The following SOX5 variants were observed in gnomAD, a reference collection of about 807,000 sequenced individuals.
SOX5 encodes transcription factor SOX-5.
In SOX5, 9 loss-of-function variants were observed where a neutral mutation model predicts 92.0. That is an observed-to-expected ratio of 0.10 (90% confidence interval 0.06 to 0.17). SOX5 has a LOEUF of 0.17. Among genes scored for constraint, SOX5 ranks in the 10% least tolerant of loss-of-function variants. The pLI, the probability that SOX5 is intolerant of heterozygous loss-of-function variation, is 1.00. For synonymous variants in SOX5, 344 were observed against 336.3 expected (o/e 1.02, Z -0.25); for missense variants, 642 against 944.5 (o/e 0.68, Z 4.20).
intron 2 of SOX5, among the ~76,000 whole-genome samples, chr12:23,885,554 G>A (rs1449719897): frequency 6.6e-6 from 1 of 152,108 alleles, no homozygotes; most frequent in African/African-American, 2.4e-5. Flanking sequence ...AAGCAGCCTT[G>A]ACTAAATAAG....
rs143135502 is a variant in SOX5 at position 23,902,058 on chromosome 12, A to C, written c.39-6034T>G. Among the ~76,000 whole-genome samples the C allele has an allele frequency of 8.9e-4, 135 of 152,312 alleles. 1 individual carries two copies. In the East Asian group the frequency reaches 0.022, roughly 25 times the overall value. ...ATCTTTATTTAACATGTGTAAGTAA[A>C]AGATTATAAGAGTTAAGTAAGTTTA... On this transcript the variant is annotated intron_variant, in intron 1 of 14. Transcript: ENST00000451604.
chr12:23,564,368 TCTCC>T (rs1448683924), intron 10 of SOX5, among the ~76,000 whole-genome samples: 4 of 152,194 alleles, frequency 2.6e-5, no homozygotes, highest in African/African-American at 9.6e-5. Context: ...CATCTTTCTC[TCTCC>T]CTATCTTTTA....
intron 4 of SOX5, among the ~76,000 whole-genome samples, chr12:24,021,597 C>T (rs1039090287): frequency 6.6e-6 from 1 of 152,070 alleles, no homozygotes; most frequent in Non-Finnish European, 1.5e-5. Flanking sequence ...TTTCAAATGA[C>T]AAAATAATAA....
chr12:23,542,674 TC>T (rs2136011246), intron 13 of SOX5, among the ~76,000 whole-genome samples: 1 of 152,344 alleles, frequency 6.6e-6, no homozygotes, highest in African/African-American at 2.4e-5. Context: ...AAATGTACAC[TC>T]TACATCTTCT....
chr12:24,526,456 G>A (rs763116634), intron 1 of SOX5, among the ~76,000 whole-genome samples: 2 of 152,158 alleles, frequency 1.3e-5, no homozygotes, highest in Non-Finnish European at 1.5e-5. Flanking sequence ...TAGCGAAAAC[G>A]CAAACGCAGA....
chr12:23,867,848 A>T (rs905096805), intron 2 of SOX5, among the ~76,000 whole-genome samples: 70 of 152,012 alleles, frequency 4.6e-4, no homozygotes, highest in African/African-American at 1.7e-3. Context: ...AAACTTCCAC[A>T]TACAAAACAC....
intron 1 of SOX5, among the ~76,000 whole-genome samples, chr12:24,418,604 G>A (rs576944515): frequency 6.6e-6 from 1 of 152,308 alleles, no homozygotes; most frequent in African/African-American, 2.4e-5. Context: ...ATACAGAGGA[G>A]AACAGAAATT....
chr12:24,062,713 G>T (rs1012541341), intron 4 of SOX5, among the ~76,000 whole-genome samples: 3 of 152,328 alleles, frequency 2.0e-5, no homozygotes, highest in East Asian at 3.9e-4. Context: ...AAGAAAATAA[G>T]TGAAGGAAGT....
intron 2 of SOX5, among the ~76,000 whole-genome samples, chr12:24,319,268 A>G (rs1949989148): frequency 6.6e-6 from 1 of 152,206 alleles, no homozygotes; most frequent in Admixed American, 6.5e-5. Flanking sequence ...ATCCCCCTCA[A>G]GCTGACATAT....
chr12:23,556,352 T>C (rs1245471900), intron 11 of SOX5, among the ~76,000 whole-genome samples: 1 of 152,206 alleles, frequency 6.6e-6, no homozygotes, highest in Non-Finnish European at 1.5e-5. Flanking sequence ...AGGTTTTGTG[T>C]ATCTTTTAAT....
intron 8 of SOX5, among the ~76,000 whole-genome samples, chr12:23,627,863 A>G (rs1475134811): frequency 6.6e-6 from 1 of 152,142 alleles, no homozygotes; most frequent in East Asian, 1.9e-4. Context: ...CAAGTCATGA[A>G]AGTTATCTAA....
At chr12:24,272,185 C>G (rs1355569661) in intron 3 of SOX5, among the ~76,000 whole-genome samples, 1 of 151,868 alleles carries the variant, frequency 6.6e-6, no homozygotes, top group African/African-American at 2.4e-5. Flanking sequence ...CACAATTTTC[C>G]CCATAGAAAT....
intron 8 of SOX5, among the ~76,000 whole-genome samples, chr12:23,611,353 CGTGTGTGTGTGTGTGCGT>C (rs2075920974): frequency 2.1e-5 from 3 of 140,370 alleles, no homozygotes; most frequent in Admixed American, 1.5e-4. Flanking sequence ...AGTATTCCAT[CGTGTGTGTGTGTGTGCGT>C]GTGTGTGTGT....
At chr12:24,004,720 C>T (rs1398202403) in intron 4 of SOX5, among the ~76,000 whole-genome samples, 1 of 152,096 alleles carries the variant, frequency 6.6e-6, no homozygotes, top group Non-Finnish European at 1.5e-5. Flanking sequence ...GTTTCATAAA[C>T]AGTTAAAAAT....
chr12:23,643,765 C>T (rs1402859493), intron 7 of SOX5, among the ~76,000 whole-genome samples: 10 of 152,014 alleles, frequency 6.6e-5, no homozygotes, highest in African/African-American at 2.2e-4. Flanking sequence ...GCAACAATGG[C>T]GGTTTCAGTG....
At chr12:24,052,386 A>G (rs187131440) in intron 4 of SOX5, among the ~76,000 whole-genome samples, 3 of 152,326 alleles carry the variant, frequency 2.0e-5, no homozygotes, top group Non-Finnish European at 4.4e-5. Context: ...ATTACCTTTA[A>G]AATATTTAAT....
At chr12:24,325,603 T>C (rs1365388865) in intron 2 of SOX5, among the ~76,000 whole-genome samples, 1 of 152,128 alleles carries the variant, frequency 6.6e-6, no homozygotes, top group Admixed American at 6.5e-5. Context: ...TAAAGAACAG[T>C]AAAGAATAAC....
At chr12:24,356,150 C>T (rs1359728945) in intron 2 of SOX5, among the ~76,000 whole-genome samples, 1 of 151,920 alleles carries the variant, frequency 6.6e-6, no homozygotes, top group Admixed American at 6.6e-5. Flanking sequence ...TTGGATATTA[C>T]CAATATAGCA....
intron 1 of SOX5, among the ~76,000 whole-genome samples, chr12:24,423,192 C>G (rs1966195795): frequency 6.6e-6 from 1 of 152,168 alleles, no homozygotes; most frequent in South Asian, 2.1e-4. Context: ...GTGCAATCAC[C>G]TCACTGAGCC....
Sources: allele counts gnomAD v4.1 joint callset (sites outside exome capture counted in the v4.1 genomes callset), GRCh38; gene constraint gnomAD v4.1.1; transcripts MANE v1.5; gene names NCBI Gene and HGNC (gene_info 2026-07-23, HGNC 2026-07-21).